The following SASH1 variants were observed in gnomAD, a reference collection of about 807,000 sequenced individuals.
The protein encoded by SASH1 is SAM and SH3 domain-containing protein 1.
Under a neutral mutation model 125.2 loss-of-function variants are expected in SASH1, and 44 were observed. The observed-to-expected ratio is 0.35, with a 90% CI of 0.28 to 0.45. The LOEUF is 0.45. SASH1 is among the 20% of genes least tolerant of loss of function. SASH1 has a pLI of 1.00. For synonymous variants in SASH1, 639 were observed against 649.1 expected (o/e 0.98, Z 0.24); for missense variants, 1,426 against 1,614.5 (o/e 0.88, Z 2.00).
chr6:148,279,074 C>A (rs1278223253), intron 1 of SASH1, among the ~76,000 whole-genome samples: 1 of 151,928 alleles, frequency 6.6e-6, no homozygotes, highest in Admixed American at 6.6e-5. Flanking sequence ...TCACTGCCAC[C>A]CCCGCCTCCT....
At chr6:148,442,222 T>C (rs1316659229) in intron 4 of SASH1, among the ~76,000 whole-genome samples, 1 of 151,880 alleles carries the variant, frequency 6.6e-6, no homozygotes, top group Non-Finnish European at 1.5e-5. Flanking sequence ...CCCTGTCTGA[T>C]CCAGCACCAG....
At chr6:148,487,916 T>C (rs1778949486) in intron 8 of SASH1, among the ~76,000 whole-genome samples, 1 of 150,528 alleles carries the variant, frequency 6.6e-6, no homozygotes, top group African/African-American at 2.5e-5. Flanking sequence ...TGCTGGGGTT[T>C]TGTTTTTTTT....
chr6:148,312,986 A>G (rs935658393), intron 1 of SASH1, among the ~76,000 whole-genome samples: 7 of 152,126 alleles, frequency 4.6e-5, no homozygotes, highest in African/African-American at 1.7e-4. Context: ...GGGATGTGCA[A>G]GGATTGAGGA....
chr6:148,202,869 G>A, the SASH1 span, among the ~76,000 whole-genome samples: 28 of 152,180 alleles, frequency 1.8e-4, no homozygotes, highest in African/African-American at 6.5e-4. Context: ...CACAAGAATC[G>A]CTTGAACCCG....
At chr6:148,469,434 T>C (rs1243034330) in intron 5 of SASH1, among the ~76,000 whole-genome samples, 1 of 152,152 alleles carries the variant, frequency 6.6e-6, no homozygotes, top group Non-Finnish European at 1.5e-5. Context: ...TAGCTTATAG[T>C]CAAAGAAATA....
At chr6:148,456,369 C>T (rs1176349076) in intron 4 of SASH1, among the ~76,000 whole-genome samples, 1 of 152,206 alleles carries the variant, frequency 6.6e-6, no homozygotes, top group Non-Finnish European at 1.5e-5. Flanking sequence ...CACAGCAGCT[C>T]TTAACCTGGG....
Position 148,532,139 on chromosome 6 carries a change from G to C in SASH1, c.1564+478G>C, listed in dbSNP as rs1247254168. ...GTCTCCCAGGCTGGAGTGCAGTGTT[G>C]TGATCTCAGCTCACTGCAACCTTCA... On this transcript the variant is annotated intron_variant, in intron 13 of 19. Coordinates refer to ENST00000367467, the MANE Select transcript of SASH1 (RefSeq NM_015278.5). This position sits in a 1 kb window ranked among gnomAD's most constrained non-coding sequence, Gnocchi z 4.7. 1.3e-5 allele frequency among the ~76,000 whole-genome samples: 2 copies of C among 152,094 alleles called. No individual in the cohort carries two copies. The highest frequency in any genetic ancestry group is 2.9e-5 in the Non-Finnish European group (2 of 68,018).
the SASH1 span, among the ~76,000 whole-genome samples, chr6:148,266,832 G>A: frequency 6.7e-6 from 1 of 149,718 alleles, no homozygotes; most frequent in Admixed American, 6.7e-5. Context: ...AGCTAGTCTT[G>A]AACTCCTAGG....
intron 2 of SASH1, among the ~76,000 whole-genome samples, chr6:148,437,151 C>T (rs961441482): frequency 2.0e-5 from 3 of 152,186 alleles, no homozygotes; most frequent in African/African-American, 4.8e-5. Context: ...TTGTCATTGA[C>T]ATCATGTGAC....
chr6:148,301,872 C>T (rs1262376780), intron 1 of SASH1, among the ~76,000 whole-genome samples: 1 of 148,702 alleles, frequency 6.7e-6, no homozygotes, highest in Non-Finnish European at 1.5e-5. Flanking sequence ...GCTGGGATTA[C>T]AGGCATGAGC....
intron 1 of SASH1, among the ~76,000 whole-genome samples, chr6:148,357,661 A>G (rs1781997777): frequency 6.6e-6 from 1 of 152,178 alleles, no homozygotes; most frequent in Non-Finnish European, 1.5e-5. Context: ...CCAGCTTGAG[A>G]CAGGCTCCAG....
chr6:148,499,834 TC>T (rs760264914), intron 8 of SASH1, among the ~76,000 whole-genome samples: 1 of 152,184 alleles, frequency 6.6e-6, no homozygotes, highest in Non-Finnish European at 1.5e-5. Flanking sequence ...TAGATTCTAT[TC>T]TTTACTTATT....
intron 1 of SASH1, among the ~76,000 whole-genome samples, chr6:148,353,204 A>T (rs182707120): frequency 4.0e-5 from 6 of 151,424 alleles, no homozygotes; most frequent in African/African-American, 1.2e-4. Context: ...AGTAGCTGAG[A>T]CTATAGGCGT....
At chr6:148,336,176 CTTTTTTTT>C (rs61290611) in intron 1 of SASH1, among the ~76,000 whole-genome samples, 1 of 70,762 alleles carries the variant, frequency 1.4e-5, no homozygotes, top group East Asian at 5.0e-4. Context: ...AAACTGCATC[CTTTTTTTT>C]TTTTTTTTTT....
intron 4 of SASH1, among the ~76,000 whole-genome samples, chr6:148,456,923 C>G (rs1777385205): frequency 7.5e-6 from 1 of 133,032 alleles, no homozygotes; most frequent in Non-Finnish European, 1.7e-5. Context: ...AAGGTACTTT[C>G]TTTTTAGTAG....
At chr6:148,416,986 GGTAGAGGTAGCCCTGGGAAACTGAGAACA>G in intron 2 of SASH1, among the ~76,000 whole-genome samples, 2 of 152,176 alleles carry the variant, frequency 1.3e-5, no homozygotes, top group Non-Finnish European at 2.9e-5. Flanking sequence ...AAGATAATGG[GGTAGAGGTAGCCCTGGGAAACTGAGAACA>G]GCCCATATTT....
At chr6:148,432,238 G>A (rs1322312230) in intron 2 of SASH1, among the ~76,000 whole-genome samples, 1 of 152,186 alleles carries the variant, frequency 6.6e-6, no homozygotes, top group East Asian at 1.9e-4. Context: ...GCCTCCCAAA[G>A]TGCTGGGATT....
intron 1 of SASH1, among the ~76,000 whole-genome samples, chr6:148,357,163 T>C (rs1011077599): frequency 3.3e-5 from 5 of 152,254 alleles, no homozygotes; most frequent in Admixed American, 1.3e-4. Context: ...TTATTTCTTT[T>C]GCTGTGCACA....
the SASH1 span, among the ~76,000 whole-genome samples, chr6:148,243,975 C>T: frequency 4.0e-3 from 608 of 152,300 alleles, 3 homozygotes; most frequent in African/African-American, 0.014. Flanking sequence ...ACTACACCAG[C>T]CTCAGGGGAC....
Sources: gnomAD v4.1 joint callset for allele counts (sites outside exome capture counted in the v4.1 genomes callset) on GRCh38, gnomAD v4.1.1 for gene constraint, Gnocchi (gnomAD v3.1) non-coding constraint, MANE v1.5 for transcripts, NCBI Gene and HGNC (gene_info 2026-07-23, HGNC 2026-07-21) for gene names.